Variants in RXFP1 observed in about 807,000 individuals in gnomAD.
The protein encoded by RXFP1 is relaxin family peptide receptor 1, also known as relaxin receptor 1.
RXFP1 carries 73 observed loss-of-function variants against 89.8 expected under a neutral mutation model. That is an observed-to-expected ratio of 0.81 (90% CI 0.67 to 0.99). The LOEUF (loss-of-function observed/expected upper bound fraction) is 0.99, where lower values mean the gene tolerates loss of function less well. Ranked by LOEUF, RXFP1 falls within the 50% of genes least tolerant of loss-of-function variation. The pLI, the probability that RXFP1 is intolerant of heterozygous loss-of-function variation, is 0.00. For missense variants in RXFP1, 793 were observed against 895.5 expected, an observed-to-expected ratio of 0.89 and a Z score of 1.46; for synonymous variants, 277 against 305.5, an observed-to-expected ratio of 0.91 and a Z score of 0.97.
In RXFP1 at chr4:158,612,350, C is replaced by A; in HGVS notation, c.668C>A (p.Ser223Tyr). 1.9e-6 allele frequency: 3 copies of A among 1,605,114 alleles called. No individual in the cohort carries two copies. The highest frequency in any genetic ancestry group is 2.6e-6 in the Non-Finnish European group (3 of 1,172,936). Residue 223 changes from serine (S) to tyrosine (Y), a missense_variant, in exon 8 of 18, where the codon TCT (serine) becomes TAT (tyrosine). By Grantham distance (144) the Ser-to-Tyr change is moderately radical (BLOSUM62 -2). Transcript: ENST00000307765. Reference protein sequence around the residue: ...ISPPTFYGLNSLILLVLMNNV... With the variant: ...ISPPTFYGLNYLILLVLMNNV... ...CCACCAACATTTTATGGACTAAATTCTCTTATTCTCTTGTAAGTACTAAAC... is the reference window on the plus strand; with the variant it reads ...CCACCAACATTTTATGGACTAAATTATCTTATTCTCTTGTAAGTACTAAAC...
intron 3 of RXFP1, among the ~76,000 whole-genome samples, chr4:158,594,488 G>C (rs2150072163): frequency 6.7e-6 from 1 of 149,988 alleles, no homozygotes; most frequent in South Asian, 2.1e-4. Flanking sequence ...ATGACAATAG[G>C]TACTTTGTTT....
chr4:158,609,965 T>A (rs949698577), intron 6 of RXFP1, among the ~76,000 whole-genome samples: 1 of 152,164 alleles, frequency 6.6e-6, no homozygotes, highest in Admixed American at 6.5e-5. Flanking sequence ...GCTGGAGTGT[T>A]GTTGAGTGTT....
chr4:158,576,201 G>T (rs1178103462), intron 2 of RXFP1, among the ~76,000 whole-genome samples: 2 of 152,036 alleles, frequency 1.3e-5, no homozygotes, highest in Non-Finnish European at 2.9e-5. Flanking sequence ...AATTCACCTA[G>T]ACCACTGGAT....
intron 2 of RXFP1, among the ~76,000 whole-genome samples, chr4:158,573,788 G>A (rs749659222): frequency 9.0e-4 from 137 of 152,150 alleles, no homozygotes; most frequent in Non-Finnish European, 1.7e-3. Context: ...TTTCATAAAA[G>A]GGCATGGTAA....
At chr4:158,603,966 T>C (rs1217576447) in intron 4 of RXFP1, among the ~76,000 whole-genome samples, 4 of 150,274 alleles carry the variant, frequency 2.7e-5, no homozygotes, top group African/African-American at 4.9e-5. Context: ...ATATCTGCAT[T>C]ATACATTTAA....
chr4:158,588,442 A>G lies in RXFP1; in HGVS notation c.188-4959A>G, dbSNP rs1758728188. Among the ~76,000 whole-genome samples, 4 of 152,186 alleles carry G rather than the reference A, an allele frequency of 2.6e-5. No homozygotes were observed. In the South Asian group the frequency reaches 8.3e-4, roughly 31 times the overall value. On this transcript the variant is annotated intron_variant, in intron 2 of 17. Coordinates refer to ENST00000307765, the MANE Select transcript of RXFP1 (RefSeq NM_021634.4). ...AAGAGTGGGTGTAAACAAAGTTGAC[A>G]TCCATGCTGTTGGATCCATCATGGC...
At chr4:158,627,507 GTGTGTGT>G (rs1561161766) in intron 10 of RXFP1, among the ~76,000 whole-genome samples, 7 of 3,902 alleles carry the variant, frequency 1.8e-3, no homozygotes, top group East Asian at 0.038. Flanking sequence ...GCCTTAGGGT[GTGTGTGT>G]GTGTGTGTGT....
In RXFP1 at chr4:158,599,383, A is replaced by T. The variant is rs747914849; in HGVS notation, c.344A>T (p.Glu115Val). The T allele has an allele frequency of 6.2e-7, 1 of 1,613,796 alleles. No individual in the cohort carries two copies. The highest frequency in any genetic ancestry group is 8.5e-7 in the Non-Finnish European group (1 of 1,179,844). ...LCQGLELDCD[E>V]TNLRAVPSVS... ...CAAGGTCTGGAGCTTGACTGTGATG[A>T]AACCAATTTACGAGCTGTTCCATCG... Residue 115 changes from glutamate (E) to valine (V), a missense_variant, in exon 4 of 18, where the codon GAA becomes GTA. Coordinates refer to ENST00000307765, the MANE Select transcript of RXFP1 (RefSeq NM_021634.4).
intron 13 of RXFP1, among the ~76,000 whole-genome samples, chr4:158,638,940 T>C (rs983439018): frequency 7.9e-5 from 12 of 152,132 alleles, no homozygotes; most frequent in African/African-American, 2.9e-4. Flanking sequence ...TAAAGCATCC[T>C]CTGCTATTGT....
At chr4:158,562,882 A>G (rs1171109724) in intron 1 of RXFP1, among the ~76,000 whole-genome samples, 1 of 152,222 alleles carries the variant, frequency 6.6e-6, no homozygotes, top group Non-Finnish European at 1.5e-5. Flanking sequence ...TAACTAAAGT[A>G]ATAGCTAGCT....
In RXFP1 at chr4:158,646,098, G is replaced by A. The variant is rs376084581; in HGVS notation, c.1346-693G>A. ...TCTCACCCACTTTCTGATATGTAACGTTTGCTTAAAAAGAAATATGCCAAG... is the reference window on the plus strand; with the variant it reads ...TCTCACCCACTTTCTGATATGTAACATTTGCTTAAAAAGAAATATGCCAAG... On this transcript the variant is annotated intron_variant, in intron 15 of 17. Coordinates refer to ENST00000307765, the MANE Select transcript of RXFP1 (RefSeq NM_021634.4). 5.9e-5 allele frequency among the ~76,000 whole-genome samples: 9 copies of A among 152,192 alleles called. No homozygotes were observed. The South Asian group carries it at 6.2e-4, about 11-fold the overall frequency.
intron 1 of RXFP1, chr4:158,544,091 A>C: frequency 1.0e-6 from 1 of 980,788 alleles, no homozygotes; most frequent in Non-Finnish European, 1.2e-6. Flanking sequence ...AACTAACAAG[A>C]GAACCATCTT....
At chr4:158,593,950 G>A (rs1260676085) in intron 3 of RXFP1, among the ~76,000 whole-genome samples, 4 of 152,140 alleles carry the variant, frequency 2.6e-5, no homozygotes, top group Non-Finnish European at 4.4e-5. Flanking sequence ...ACTATGTTCA[G>A]TCATACACTG....
At chr4:158,570,078 T>C (rs1754712248) in intron 1 of RXFP1, among the ~76,000 whole-genome samples, 1 of 152,194 alleles carries the variant, frequency 6.6e-6, no homozygotes, top group Non-Finnish European at 1.5e-5. Context: ...AAACATTCTT[T>C]CCTAGAAACG....
At chr4:158,526,046 TC>T (rs1210038306) in intron 1 of RXFP1, among the ~76,000 whole-genome samples, 1 of 152,218 alleles carries the variant, frequency 6.6e-6, no homozygotes, top group Non-Finnish European at 1.5e-5. Flanking sequence ...CAGCCCAAGG[TC>T]TCAGAGCTGG....
chr4:158,531,656 A>C lies in RXFP1; in HGVS notation c.49+9631A>C, dbSNP rs74713229. 9.7e-3 allele frequency among the ~76,000 whole-genome samples: 1,470 copies of C among 152,288 alleles called. 24 individuals carry two copies. The highest frequency in any genetic ancestry group is 0.034 in the African/African-American group (1,400 of 41,556). Reference sequence around the variant, plus strand: ...AATGTTATAAACTACTACTACACACACACACTTTAAATCTTATGCCATCAT... The same window carrying C: ...AATGTTATAAACTACTACTACACACCCACACTTTAAATCTTATGCCATCAT... On this transcript the variant is annotated intron_variant, in intron 1 of 17. Coordinates refer to ENST00000307765, the MANE Select transcript of RXFP1 (RefSeq NM_021634.4).
intron 3 of RXFP1, among the ~76,000 whole-genome samples, chr4:158,595,032 A>G (rs1442187875): frequency 6.6e-6 from 1 of 152,212 alleles, no homozygotes; most frequent in Non-Finnish European, 1.5e-5. Flanking sequence ...AGCACAATGT[A>G]TTATGTAGGC....
At chr4:158,594,970 T>C (rs1259342383) in intron 3 of RXFP1, among the ~76,000 whole-genome samples, 3 of 152,206 alleles carry the variant, frequency 2.0e-5, no homozygotes, top group Non-Finnish European at 4.4e-5. Flanking sequence ...TTTTATAACA[T>C]TATTTTTCTA....
rs975508767 is a variant in RXFP1, at chr4:158,617,426, A to AAAAAT, written c.755+222_755+223insAAATA. 2.3e-3 allele frequency among the ~76,000 whole-genome samples: 344 copies of AAAAAT among 149,232 alleles called. 1 individual carries two copies. The highest frequency in any genetic ancestry group is 7.9e-3 in the African/African-American group (322 of 40,594). On this transcript the variant is annotated intron_variant, in intron 9 of 17. Transcript: ENST00000307765. The stretch of plus-strand genomic sequence containing the variant: ...CAGCAAAATAAAACATCTCAAAAAA[A>AAAAAT]ATATATATATATATATATATACTGG...
Sources: gnomAD v4.1 joint callset for allele counts (sites outside exome capture counted in the v4.1 genomes callset) on GRCh38, gnomAD v4.1.1 for gene constraint, MANE v1.5 for transcripts, NCBI Gene and HGNC (gene_info 2026-07-23, HGNC 2026-07-21) for gene names.